Variants in MGAT4C observed in about 807,000 individuals in gnomAD.
MGAT4C encodes MGAT4 family member C.
In MGAT4C, 19 loss-of-function variants were observed where a neutral mutation model predicts 40.1. The ratio of observed to expected loss-of-function variants is 0.47; its 90% CI spans 0.33 to 0.70. The LOEUF (loss-of-function observed/expected upper bound fraction) is 0.70, where lower values mean the gene tolerates loss of function less well. Among genes scored for constraint, MGAT4C ranks in the 30% least tolerant of loss-of-function variants. MGAT4C has a pLI of 0.02. For synonymous variants in MGAT4C, 181 were observed against 187.1 expected (o/e 0.97, Z 0.27); for missense variants, 491 against 563.2 (o/e 0.87, Z 1.30).
rs1286186994 is a variant in MGAT4C, at chr12:86,562,669, G to GC, written c.-228-127405dup. 2.0e-5 allele frequency among the ~76,000 whole-genome samples: 3 copies of GC among 152,058 alleles called. No individual in the cohort carries two copies. In the East Asian group the frequency reaches 5.8e-4, roughly 29 times the overall value. ...TAGACCTATAACTAAAGTCCTGCAG[G>GC]CCCCTAGAGGTGAGGTTCAGAGTGT... On this transcript the variant is annotated intron_variant, in intron 2 of 7. Transcript: ENST00000548651.
chr12:86,194,722 C>T (rs1184489038), intron 1 of MGAT4C, among the ~76,000 whole-genome samples: 1 of 152,042 alleles, frequency 6.6e-6, no homozygotes, highest in East Asian at 1.9e-4. Flanking sequence ...CCTCAGCTTC[C>T]CAAAGTGCTG....
At chr12:86,569,206 C>A (rs897645211) in intron 2 of MGAT4C, among the ~76,000 whole-genome samples, 2 of 151,802 alleles carry the variant, frequency 1.3e-5, no homozygotes, top group African/African-American at 4.8e-5. Flanking sequence ...TACTGAAAAC[C>A]TTTGCACAGC....
chr12:85,989,330 A>G, intron 3 of MGAT4C, 70 bp downstream of exon 3: 2 of 1,383,052 alleles, frequency 1.4e-6, no homozygotes, highest in African/African-American at 1.5e-5. Context: ...AAGTTAGGCT[A>G]CAATGGGACT....
intron 3 of MGAT4C, among the ~76,000 whole-genome samples, chr12:86,413,234 A>C (rs1337385745): frequency 6.6e-6 from 1 of 152,170 alleles, no homozygotes; most frequent in Non-Finnish European, 1.5e-5. Context: ...AGAAAAATTA[A>C]TGTGGGAAGT....
At chr12:86,543,674 T>C (rs1363998719) in intron 2 of MGAT4C, among the ~76,000 whole-genome samples, 2 of 152,186 alleles carry the variant, frequency 1.3e-5, no homozygotes, top group African/African-American at 4.8e-5. Flanking sequence ...ACATTACTAG[T>C]ATTTTACCCA....
intron 2 of MGAT4C, among the ~76,000 whole-genome samples, chr12:86,497,745 A>AT (rs1431280407): frequency 6.6e-6 from 1 of 151,242 alleles, no homozygotes; most frequent in African/African-American, 2.4e-5. Context: ...GTTTGACTGT[A>AT]TTGTGCCCCA....
chr12:86,717,139 TA>T (rs1555222514), intron 2 of MGAT4C, among the ~76,000 whole-genome samples: 1 of 151,200 alleles, frequency 6.6e-6, no homozygotes, highest in Non-Finnish European at 1.5e-5. Flanking sequence ...ACAATTTTTT[TA>T]AAAAACAGAC....
chr12:86,246,443 C>T (rs1952033053), intron 1 of MGAT4C, among the ~76,000 whole-genome samples: 1 of 152,048 alleles, frequency 6.6e-6, no homozygotes, highest in Non-Finnish European at 1.5e-5. Context: ...AGTTTACCAT[C>T]TATAAACATG....
chr12:86,639,742 T>C (rs907343690), intron 2 of MGAT4C, among the ~76,000 whole-genome samples: 1 of 151,746 alleles, frequency 6.6e-6, no homozygotes, highest in African/African-American at 2.4e-5. Flanking sequence ...ATCATTTAAA[T>C]GCTGTATAAT....
Position 86,332,072 on chromosome 12 carries a change from A to G in MGAT4C, c.-57+1993T>C, listed in dbSNP as rs2897276. Among the ~76,000 whole-genome samples, 356 of 152,186 alleles carry G rather than the reference A, an allele frequency of 2.3e-3. 1 individual carries two copies. The highest frequency in any genetic ancestry group is 8.4e-3 in the African/African-American group (349 of 41,550). ...GGCATCATTTGTATCTACTTGGAAGAGTCTTTCTTTGCTACTTCATGAAAT... is the reference window on the plus strand; with the variant it reads ...GGCATCATTTGTATCTACTTGGAAGGGTCTTTCTTTGCTACTTCATGAAAT... On this transcript the variant is annotated intron_variant, in intron 4 of 7. Transcript: ENST00000548651.
chr12:86,449,998 T>A (rs561221841), intron 2 of MGAT4C, among the ~76,000 whole-genome samples: 1 of 152,326 alleles, frequency 6.6e-6, no homozygotes, highest in South Asian at 2.1e-4. Flanking sequence ...ATTGCACCCT[T>A]TAAAATAGTC....
chr12:86,336,744 A>T (rs1203479283), intron 3 of MGAT4C, among the ~76,000 whole-genome samples: 1 of 152,174 alleles, frequency 6.6e-6, no homozygotes, highest in African/African-American at 2.4e-5. Context: ...AGACAAGAAA[A>T]ATCAGAATGG....
chr12:86,001,380 AT>A (rs1377275238), intron 2 of MGAT4C: 1 of 152,454 alleles, frequency 6.6e-6, no homozygotes, highest in Non-Finnish European at 1.5e-5. Flanking sequence ...CTAAATTGCC[AT>A]CTTTAACCAG....
chr12:86,034,743 C>A (rs1592738053), intron 2 of MGAT4C, among the ~76,000 whole-genome samples: 1 of 149,198 alleles, frequency 6.7e-6, no homozygotes, highest in African/African-American at 2.4e-5. Context: ...CCCGACACCC[C>A]AACAGGTTCC....
chr12:86,315,681 G>C (rs1326389407), intron 4 of MGAT4C, among the ~76,000 whole-genome samples: 1 of 152,132 alleles, frequency 6.6e-6, no homozygotes, highest in Non-Finnish European at 1.5e-5. Flanking sequence ...ACTCCAGCCT[G>C]GGGGACAGGG....
At chr12:86,654,717 G>A (rs1457524398) in intron 2 of MGAT4C, among the ~76,000 whole-genome samples, 1 of 143,802 alleles carries the variant, frequency 7.0e-6, no homozygotes, top group Non-Finnish European at 1.5e-5. Context: ...TCTTTTCCCT[G>A]TACCTTTTTT....
At position 86,125,956 on chromosome 12, in the gene MGAT4C, AG is replaced by A. The variant is rs1182053512; in HGVS notation, c.-56-76234del. ...AAAATGTCTTCCACATAAAAATAAA[AG>A]AAAAAAAATGAGAAAATCAAGTTAA... On this transcript the variant is annotated intron_variant, in intron 1 of 4. Transcript: ENST00000611864. Among the ~76,000 whole-genome samples, 9 of 356 alleles carry A rather than the reference AG, an allele frequency of 0.025. No individual in the cohort carries two copies. In the East Asian group the frequency reaches 0.29, roughly 11 times the overall value. The allele number at this position is 356 out of a possible 152,430, so 0.2% of individuals were successfully genotyped here. A position where few individuals can be genotyped will look rare whatever the true frequency, so the allele number is the denominator to read the frequency against.
intron 2 of MGAT4C, among the ~76,000 whole-genome samples, chr12:86,689,879 G>A (rs1370904878): frequency 6.6e-6 from 1 of 152,156 alleles, no homozygotes; most frequent in Non-Finnish European, 1.5e-5. Context: ...GAGCTGGCAG[G>A]CAGGAATGTT....
Position 85,957,656 on chromosome 12 carries a change from G to GAAAAAA in MGAT4C, c.*21632_*21633insTTTTTT, listed in dbSNP as rs1882868368. ...TTTTACTGTAGAGTTGAATAAGAAA[G>GAAAAAA]CAAAAAAAAAAAAAAAAGAAAAAAG... On this transcript the variant is annotated 3_prime_UTR_variant, in exon 5 of 5. Transcript: ENST00000611864. The GAAAAAA allele has an allele frequency of 6.4e-5, 1 of 15,742 alleles. No homozygotes were observed. Among genetic ancestry groups the GAAAAAA allele is most frequent in the Non-Finnish European group, 1.6e-4 (1 of 6,138 alleles). 1.0% of individuals were successfully genotyped at this position (15,742 alleles called of 1,614,324 possible).
Sources: gnomAD v4.1 joint callset for allele counts (sites outside exome capture counted in the v4.1 genomes callset) on GRCh38, gnomAD v4.1.1 for gene constraint, MANE v1.5 for transcripts, NCBI Gene and HGNC (gene_info 2026-07-23, HGNC 2026-07-21) for gene names.